Variants in SEMA6A observed in about 807,000 individuals in gnomAD.
SEMA6A encodes semaphorin-6A.
SEMA6A carries 25 observed loss-of-function variants against 96.8 expected under a neutral mutation model. That is an observed-to-expected ratio of 0.26 (90% CI 0.19 to 0.36). The LOEUF (loss-of-function observed/expected upper bound fraction) is 0.36, where lower values mean the gene tolerates loss of function less well. SEMA6A is among the 10% of genes least tolerant of loss of function. SEMA6A has a pLI of 1.00. For missense variants in SEMA6A, 1,363 were observed against 1,323.1 expected, an observed-to-expected ratio of 1.03 and a Z score of -0.47; for synonymous variants, 612 against 518.0, an observed-to-expected ratio of 1.18 and a Z score of -2.46.
At position 116,473,793 on chromosome 5, in the gene SEMA6A, C is replaced by T. The variant is rs1028323183; in HGVS notation, c.1709-700G>A. Among the ~76,000 whole-genome samples, 3 of 152,158 alleles carry T rather than the reference C, an allele frequency of 2.0e-5. No individual in the cohort carries two copies. In the East Asian group the frequency reaches 5.8e-4, roughly 29 times the overall value. ...ATAGGTCTGTCTAATAGAGGTAGTT[C>T]ATGCTTCAGCAGGAACACGGGGAGA... On this transcript the variant is annotated intron_variant, in intron 16 of 18. Coordinates refer to ENST00000343348, the MANE Select transcript of SEMA6A (RefSeq NM_020796.5).
chr5:116,455,219 TG>T lies in SEMA6A; in HGVS notation c.1895-7409del, dbSNP rs1468705179. Among the ~76,000 whole-genome samples, 7 of 152,254 alleles carry T rather than the reference TG, an allele frequency of 4.6e-5. No individual in the cohort carries two copies. The East Asian group carries it at 1.3e-3, about 29-fold the overall frequency. ...CTCCACTGCTCTACTGCTTTAGAAA[TG>T]GCATTGCCAATGGGAGTGCTACAGC... is the stretch of plus-strand genomic sequence containing the variant. On this transcript the variant is annotated intron_variant, in intron 18 of 18. Coordinates refer to ENST00000343348, the MANE Select transcript of SEMA6A (RefSeq NM_020796.5).
chr5:116,521,442 C>G (rs540308583), intron 1 of SEMA6A, among the ~76,000 whole-genome samples: 14 of 152,258 alleles, frequency 9.2e-5, no homozygotes, highest in African/African-American at 3.4e-4. Context: ...TGAGGGGTAA[C>G]GGGGCTGTGC....
intron 1 of SEMA6A, among the ~76,000 whole-genome samples, chr5:116,511,628 T>C (rs1305766455): frequency 6.6e-6 from 1 of 152,186 alleles, no homozygotes; most frequent in Non-Finnish European, 1.5e-5. Context: ...GCTTCGGTGA[T>C]AAAAATCTAT....
intron 1 of SEMA6A, among the ~76,000 whole-genome samples, chr5:116,519,185 C>T (rs1580466357): frequency 6.6e-6 from 1 of 152,164 alleles, no homozygotes; most frequent in African/African-American, 2.4e-5. Flanking sequence ...ATTCCCCAAG[C>T]TGGAACACTG....
At chr5:116,492,193 C>A in intron 6 of SEMA6A, 1 of 240,464 alleles carries the variant, frequency 4.2e-6, no homozygotes, top group Non-Finnish European at 8.1e-6. Flanking sequence ...GCTTAGCACA[C>A]AGTGATGCAA....
chr5:116,497,288 G>C, intron 4 of SEMA6A, 39 bp downstream of exon 4: 1 of 1,249,532 alleles, frequency 8.0e-7, no homozygotes, highest in Non-Finnish European at 1.2e-6. Flanking sequence ...ACTATCCAAA[G>C]GTCCTTCATT....
At chr5:116,487,089 C>T (rs1278566941) in intron 9 of SEMA6A, 123 bp from the exon 10 acceptor site, 3 of 541,358 alleles carry the variant, frequency 5.5e-6, no homozygotes, top group African/African-American at 2.2e-5. Flanking sequence ...TTTCTAAAAT[C>T]AGTAACAAAA....
rs950589106 is a variant in SEMA6A, at chr5:116,495,820, C to T, written c.343-306G>A. 21 of 367,558 alleles carry T rather than the reference C, an allele frequency of 5.7e-5. No homozygotes were observed. In the East Asian group the frequency reaches 1.3e-3, roughly 22 times the overall value. 22.8% of individuals were successfully genotyped at this position (367,558 alleles called of 1,614,324 possible). A position where few individuals can be genotyped will look rare whatever the true frequency, so the allele number is the denominator to read the frequency against. On this transcript the variant is annotated intron_variant, in intron 5 of 18. Transcript: ENST00000343348. The stretch of plus-strand genomic sequence containing the variant: ...TTAATTTTAATGCCAGATGCTCCAG[C>T]GTTCCCTGATGTACAAAGCTGCTGG...
At chr5:116,487,192 A>G in intron 9 of SEMA6A, 1 of 482,470 alleles carries the variant, frequency 2.1e-6, no homozygotes, top group South Asian at 2.4e-5. Flanking sequence ...ACAGAGTCAT[A>G]AATCCTTCAG....
intron 2 of SEMA6A, 196 bp from the exon 3 acceptor site, chr5:116,502,523 A>G: frequency 1.9e-6 from 1 of 523,534 alleles, no homozygotes; most frequent in Non-Finnish European, 3.4e-6. Flanking sequence ...ATCAAGTTAC[A>G]CTTTCATTTC....
intron 17 of SEMA6A, chr5:116,472,296 T>G (rs958513397): frequency 2.0e-5 from 3 of 152,288 alleles, no homozygotes; most frequent in African/African-American, 7.2e-5. Flanking sequence ...AAATCCTGTT[T>G]GCACATCATT....
intron 7 of SEMA6A, among the ~76,000 whole-genome samples, chr5:116,489,796 C>G (rs1484119035): frequency 2.0e-5 from 3 of 152,318 alleles, no homozygotes; most frequent in African/African-American, 7.2e-5. Flanking sequence ...GAAGATTAGT[C>G]TCTAGACCTT....
chr5:116,536,582 A>C (rs2112852223), intron 1 of SEMA6A: 1 of 152,278 alleles, frequency 6.6e-6, no homozygotes, highest in Non-Finnish European at 1.5e-5. Flanking sequence ...ATTGCAATAA[A>C]ATTGTGAAAC....
intron 18 of SEMA6A, among the ~76,000 whole-genome samples, chr5:116,452,374 AATC>A (rs1388878384): frequency 2.6e-5 from 4 of 151,982 alleles, no homozygotes; most frequent in Non-Finnish European, 5.9e-5. Flanking sequence ...ATTTCTCTGA[AATC>A]ATGTCTTAAA....
intron 1 of SEMA6A, among the ~76,000 whole-genome samples, chr5:116,572,517 C>G (rs571044622): frequency 1.3e-5 from 2 of 152,310 alleles, no homozygotes; most frequent in South Asian, 4.1e-4. Context: ...CTGCTTCCTC[C>G]CTCCCTGGAT....
chr5:116,488,018 C>T (rs1032454424), intron 9 of SEMA6A, 90 bp downstream of exon 9: 2 of 810,672 alleles, frequency 2.5e-6, no homozygotes, highest in Middle Eastern at 2.3e-4. Flanking sequence ...TTATGGCTCT[C>T]ATTTCAAGAT....
At chr5:116,554,540 A>G (rs1186683411) in intron 1 of SEMA6A, among the ~76,000 whole-genome samples, 1 of 152,248 alleles carries the variant, frequency 6.6e-6, no homozygotes, top group Non-Finnish European at 1.5e-5. Context: ...GATAATACGT[A>G]ACAATTTGTA....
chr5:116,566,177 A>T (rs1267007072), intron 1 of SEMA6A, among the ~76,000 whole-genome samples: 3 of 152,190 alleles, frequency 2.0e-5, no homozygotes, highest in Non-Finnish European at 4.4e-5. Context: ...AAATGCTTCT[A>T]ATCAAATCAT....
In SEMA6A at chr5:116,495,468, T is replaced by C; in HGVS notation, c.389A>G (p.Asp130Gly). ...ATTAGTTCCACAGACAAACAATGCA[T>C]CATCGTTTTTCTTTAGAAGAACTTT... is the stretch of plus-strand genomic sequence containing the variant. ...FIKVLLKKNDDALFVCGTNAF... is the reference protein window; with the variant it reads ...FIKVLLKKNDGALFVCGTNAF... The change falls in exon 6 of 19, where the codon GAT becomes GGT. Residue 130 changes from aspartate to glycine, a missense_variant. Coordinates refer to ENST00000343348, the MANE Select transcript of SEMA6A (RefSeq NM_020796.5). 2.5e-6 allele frequency: 4 copies of C among 1,609,608 alleles called. No homozygotes were observed. Among genetic ancestry groups the C allele is most frequent in the Middle Eastern group, 1.7e-4 (1 of 6,054 alleles).
Sources: gnomAD v4.1 joint callset for allele counts (sites outside exome capture counted in the v4.1 genomes callset) on GRCh38, gnomAD v4.1.1 for gene constraint, MANE v1.5 for transcripts, NCBI Gene and HGNC (gene_info 2026-07-23, HGNC 2026-07-21) for gene names.